NRG1: variants seen among roughly 807,000 people sequenced by gnomAD.
NRG1 encodes the protein pro-neuregulin-1, membrane-bound isoform.
In NRG1, 18 loss-of-function variants were observed where a neutral mutation model predicts 63.8. The observed-to-expected ratio is 0.28, with a 90% CI of 0.19 to 0.42. NRG1 has a LOEUF of 0.42. Ranked by LOEUF, NRG1 falls within the 10% of genes least tolerant of loss-of-function variation. The pLI, the probability that NRG1 is intolerant of heterozygous loss-of-function variation, is 1.00. For missense variants in NRG1, 762 were observed against 814.7 expected, an observed-to-expected ratio of 0.94 and a Z score of 0.79; for synonymous variants, 302 against 301.3, an observed-to-expected ratio of 1.00 and a Z score of -0.02.
intron 1 of NRG1, among the ~76,000 whole-genome samples, chr8:32,569,169 G>C (rs575812545): frequency 1.3e-4 from 20 of 152,054 alleles, no homozygotes; most frequent in African/African-American, 4.8e-4. Context: ...CCTGCCTCAG[G>C]CTCCCAAGTA....
intron 1 of NRG1, among the ~76,000 whole-genome samples, chr8:31,721,108 C>T (rs1287028185): frequency 2.2e-4 from 34 of 152,150 alleles, no homozygotes; most frequent in Admixed American, 2.2e-3. Flanking sequence ...GGATGTCTGG[C>T]ACCCATTGGT....
chr8:31,905,529 CTTAAG>C (rs1421813335), intron 1 of NRG1, among the ~76,000 whole-genome samples: 2 of 152,056 alleles, frequency 1.3e-5, no homozygotes, highest in Non-Finnish European at 2.9e-5. Flanking sequence ...TGGTTCTGTT[CTTAAG>C]TTATGTTTCT....
chr8:32,004,492 G>A (rs555676044), intron 1 of NRG1, among the ~76,000 whole-genome samples: 3 of 151,672 alleles, frequency 2.0e-5, no homozygotes, highest in East Asian at 2.0e-4. Context: ...GGAAAAACTC[G>A]GGAGGGTGGG....
chr8:32,122,837 A>G (rs1046125107), intron 1 of NRG1, among the ~76,000 whole-genome samples: 3 of 148,410 alleles, frequency 2.0e-5, no homozygotes, highest in African/African-American at 7.5e-5. Flanking sequence ...ATGTGTTCTC[A>G]TTGTTCAATT....
intron 1 of NRG1, among the ~76,000 whole-genome samples, chr8:32,175,270 A>G (rs1840576613): frequency 6.6e-6 from 1 of 151,436 alleles, no homozygotes; most frequent in Non-Finnish European, 1.5e-5. Flanking sequence ...GGCCTTTGAC[A>G]AAATTCAACA....
At chr8:32,622,727 A>AT in intron 5 of NRG1, among the ~76,000 whole-genome samples, 1 of 152,302 alleles carries the variant, frequency 6.6e-6, no homozygotes, top group East Asian at 1.9e-4. Flanking sequence ...GAAGAATGCT[A>AT]TTTATTTTAA....
chr8:32,475,295 G>A (rs10091662), intron 1 of NRG1, among the ~76,000 whole-genome samples: 95,780 of 151,050 alleles, frequency 0.63, 30,646 homozygotes, highest in East Asian at 0.79. Flanking sequence ...TGAAACCCCA[G>A]CTCTACTAAA....
chr8:32,171,150 T>C (rs562682102), intron 1 of NRG1, among the ~76,000 whole-genome samples: 8 of 152,340 alleles, frequency 5.3e-5, no homozygotes, highest in Non-Finnish European at 8.8e-5. Context: ...CTTTATCACT[T>C]GCTTTTGCTT....
At chr8:32,720,710 T>C (rs1820403393) in intron 5 of NRG1, among the ~76,000 whole-genome samples, 1 of 152,122 alleles carries the variant, frequency 6.6e-6, no homozygotes, top group Non-Finnish European at 1.5e-5. Context: ...AGCTATGACA[T>C]CCTCCATGGT....
At chr8:32,595,187 A>AT (rs994966851) in intron 1 of NRG1, among the ~76,000 whole-genome samples, 12 of 150,960 alleles carry the variant, frequency 7.9e-5, no homozygotes, top group East Asian at 1.9e-4. Flanking sequence ...TTTATTTTTT[A>AT]TTTTTTTTTA....
chr8:32,076,682 C>T lies in NRG1; in HGVS notation c.37+437251C>T, dbSNP rs142203620. 1.9e-3 allele frequency among the ~76,000 whole-genome samples: 281 copies of T among 149,866 alleles called. 3 individuals carry two copies. The highest frequency in any genetic ancestry group is 6.9e-3 in the Middle Eastern group (2 of 290). ...ACAAACCCCCATGACACAAGTTTAC[C>T]TATATAACAAACCTGCCATTGTACA... On this transcript the variant is annotated intron_variant, in intron 1 of 10. Transcript: ENST00000519301.
chr8:32,127,218 A>C (rs1207934750), intron 1 of NRG1, among the ~76,000 whole-genome samples: 1 of 151,908 alleles, frequency 6.6e-6, no homozygotes, highest in Non-Finnish European at 1.5e-5. Context: ...TCCTAGGCTA[A>C]CATTCTGAAC....
intron 1 of NRG1, among the ~76,000 whole-genome samples, chr8:32,526,031 A>G (rs1202948601): frequency 6.6e-6 from 1 of 152,184 alleles, no homozygotes; most frequent in East Asian, 1.9e-4. Flanking sequence ...ACCTATTGCT[A>G]TATAACAAAT....
At chr8:32,653,705 G>A (rs1264776188) in intron 5 of NRG1, among the ~76,000 whole-genome samples, 3 of 152,210 alleles carry the variant, frequency 2.0e-5, no homozygotes, top group East Asian at 3.9e-4. Flanking sequence ...TCTATATTTT[G>A]CTCATATTTT....
At chr8:31,852,284 T>A (rs1308359445) in intron 1 of NRG1, among the ~76,000 whole-genome samples, 5 of 150,572 alleles carry the variant, frequency 3.3e-5, no homozygotes, top group Non-Finnish European at 7.5e-5. Flanking sequence ...TTTCCTGACT[T>A]TTTAATGATT....
At chr8:31,751,635 G>T (rs1248644223) in intron 1 of NRG1, among the ~76,000 whole-genome samples, 1 of 151,980 alleles carries the variant, frequency 6.6e-6, no homozygotes, top group Non-Finnish European at 1.5e-5. Context: ...TATAGTTGTG[G>T]TGTGGAGAAC....
chr8:32,515,726 C>T (rs550887085), intron 1 of NRG1, among the ~76,000 whole-genome samples: 1 of 152,296 alleles, frequency 6.6e-6, no homozygotes, highest in African/African-American at 2.4e-5. Flanking sequence ...AGGCATAAGC[C>T]ACTATGCTCA....
chr8:31,674,500 A>G (rs1807476070), intron 1 of NRG1, among the ~76,000 whole-genome samples: 1 of 152,000 alleles, frequency 6.6e-6, no homozygotes, highest in African/African-American at 2.4e-5. Context: ...GTCCTGTGAA[A>G]CACAGTATAT....
At chr8:32,311,263 G>T (rs1312722460) in intron 1 of NRG1, among the ~76,000 whole-genome samples, 2 of 152,264 alleles carry the variant, frequency 1.3e-5, no homozygotes, top group South Asian at 2.1e-4. Flanking sequence ...ATGCATTCTG[G>T]CAGGGGGATA....
Sources: gnomAD v4.1 joint callset for allele counts (sites outside exome capture counted in the v4.1 genomes callset) on GRCh38, gnomAD v4.1.1 for gene constraint, MANE v1.5 for transcripts, NCBI Gene and HGNC (gene_info 2026-07-23, HGNC 2026-07-21) for gene names.